MGST1: variants seen among roughly 807,000 people sequenced by gnomAD.
MGST1 encodes the protein microsomal glutathione S-transferase 1.
In MGST1, 5 loss-of-function variants were observed where a neutral mutation model predicts 8.9. That is an observed-to-expected ratio of 0.56 (90% CI 0.29 to 1.19). The LOEUF (loss-of-function observed/expected upper bound fraction) is 1.19. MGST1 is among the 50% of genes most tolerant of loss of function. MGST1 has a pLI of 0.08. For synonymous variants in MGST1, 54 were observed against 67.8 expected, an observed-to-expected ratio of 0.80 and a Z score of 1.00; for missense variants, 182 against 187.4, an observed-to-expected ratio of 0.97 and a Z score of 0.17.
intron 1 of MGST1, chr12:16,399,572 A>G (rs1462920606): frequency 6.3e-7 from 1 of 1,597,194 alleles, no homozygotes; most frequent in Non-Finnish European, 8.6e-7. Context: ...CTTCATAGTC[A>G]TCTTCTGAAG....
At chr12:16,399,961 G>T (rs138404259) in intron 1 of MGST1, 9 of 1,315,978 alleles carry the variant, frequency 6.8e-6, no homozygotes, top group Admixed American at 3.4e-5. Flanking sequence ...ATTTACCAGC[G>T]CACTACTAGT....
chr12:16,564,992 G>T (rs1427811694), intron 4 of MGST1, among the ~76,000 whole-genome samples: 1 of 152,066 alleles, frequency 6.6e-6, no homozygotes, highest in Non-Finnish European at 1.5e-5. Context: ...GTCTCTCTCT[G>T]TTGCCCAGGC....
At chr12:16,554,502 C>T (rs774495234) in intron 4 of MGST1, among the ~76,000 whole-genome samples, 1 of 152,130 alleles carries the variant, frequency 6.6e-6, no homozygotes, top group African/African-American at 2.4e-5. Context: ...CCACTATACA[C>T]CTGTGAACAA....
At position 16,423,845 on chromosome 12, in the gene MGST1, A is replaced by T. The variant is rs116297300; in HGVS notation, n.779-13543A>T. ...TTGTCATTCCCCACTTGGCAGGTAC[A>T]TTCTCACCAGGCCCTTTCTGCTATG... On this transcript the variant is annotated intron_variant and non_coding_transcript_variant, in intron 1 of 1. Coordinates refer to the MGST1 transcript ENST00000359720. 4.3e-3 allele frequency among the ~76,000 whole-genome samples: 658 copies of T among 152,280 alleles called. 8 individuals carry two copies. Among genetic ancestry groups the T allele is most frequent in the African/African-American group, 0.015 (637 of 41,552 alleles).
intron 4 of MGST1, among the ~76,000 whole-genome samples, chr12:16,498,583 A>C (rs991780734): frequency 1.3e-5 from 2 of 152,182 alleles, no homozygotes; most frequent in African/African-American, 4.8e-5. Flanking sequence ...ATGCCAGTGC[A>C]CTGTAACCCC....
intron 3 of MGST1, among the ~76,000 whole-genome samples, chr12:16,374,748 GATT>G (rs1256665838): frequency 6.6e-6 from 1 of 152,006 alleles, no homozygotes; most frequent in Admixed American, 6.6e-5. Context: ...TAACACAATA[GATT>G]ATTATGCAGC....
At chr12:16,561,645 T>C (rs756233271) in intron 4 of MGST1, among the ~76,000 whole-genome samples, 12 of 152,242 alleles carry the variant, frequency 7.9e-5, no homozygotes, top group Non-Finnish European at 1.8e-4. Context: ...CTGAAGTCTC[T>C]CATTACTTTC....
intron 1 of MGST1, among the ~76,000 whole-genome samples, chr12:16,395,456 G>T (rs918641890): frequency 1.3e-5 from 2 of 151,942 alleles, no homozygotes; most frequent in African/African-American, 2.4e-5. Context: ...TGGGGAACAG[G>T]TGGTATTTGG....
At chr12:16,527,636 A>T (rs544435967) in intron 4 of MGST1, among the ~76,000 whole-genome samples, 3 of 151,988 alleles carry the variant, frequency 2.0e-5, no homozygotes, top group African/African-American at 7.2e-5. Context: ...AGGTTCTGGA[A>T]TCTTCTGGCT....
At chr12:16,509,842 G>T (rs114517599) in intron 4 of MGST1, among the ~76,000 whole-genome samples, 213 of 152,212 alleles carry the variant, frequency 1.4e-3, no homozygotes, top group African/African-American at 4.9e-3. Flanking sequence ...GTTTAGGTAG[G>T]AGTGATTCAG....
rs186108401 is a variant in MGST1 at position 16,503,706 on chromosome 12, C to T, written n.483-85822C>T. Among the ~76,000 whole-genome samples, 102 of 152,260 alleles carry T rather than the reference C, an allele frequency of 6.7e-4. 1 individual carries two copies. The highest frequency in any genetic ancestry group is 1.2e-3 in the Non-Finnish European group (83 of 68,024). On this transcript the variant is annotated intron_variant and non_coding_transcript_variant, in intron 4 of 4. Transcript: ENST00000538857. The surrounding 1 kb of genome is among the most constrained non-coding windows in gnomAD (Gnocchi z 4.8). ...CCATAAGACATGTCCAACAGTGTGC[C>T]GGGTCAGTTTATCATTGCCGTGGTA... is the stretch of plus-strand genomic sequence containing the variant.
chr12:16,575,158 G>T (rs1040060481), intron 4 of MGST1, among the ~76,000 whole-genome samples: 2 of 152,048 alleles, frequency 1.3e-5, no homozygotes, highest in African/African-American at 4.8e-5. Flanking sequence ...TATGATGTCC[G>T]TCATGTTTTT....
rs181131799 is a variant in MGST1 at position 16,552,540 on chromosome 12, C to A, written n.483-36988C>A. 1.0e-3 allele frequency among the ~76,000 whole-genome samples: 156 copies of A among 152,074 alleles called. 1 individual carries two copies. In the Middle Eastern group the frequency reaches 0.027, roughly 27 times the overall value. On this transcript the variant is annotated intron_variant and non_coding_transcript_variant, in intron 4 of 4. Coordinates refer to the MGST1 transcript ENST00000538857. The stretch of plus-strand genomic sequence containing the variant: ...AACCTATTTTTTTCCAACTGGGTAG[C>A]TTTGGAAATTTATCCTTATACTAGC...
intron 1 of MGST1, among the ~76,000 whole-genome samples, chr12:16,429,008 T>C (rs1229677880): frequency 6.6e-6 from 1 of 152,112 alleles, no homozygotes; most frequent in South Asian, 2.1e-4. Flanking sequence ...GTTGTGTACA[T>C]TTTTGTTTTT....
At chr12:16,374,694 T>A (rs1393350114) in intron 3 of MGST1, among the ~76,000 whole-genome samples, 2 of 152,092 alleles carry the variant, frequency 1.3e-5, no homozygotes, top group Admixed American at 1.3e-4. Context: ...TGCAAATAAT[T>A]CAAATATTCA....
rs1288794039 is a variant in MGST1 at position 16,585,336 on chromosome 12, T to C, written n.483-4192T>C. Among the ~76,000 whole-genome samples the C allele has an allele frequency of 6.6e-6, 1 of 152,200 alleles. No individual in the cohort carries two copies. The highest frequency in any genetic ancestry group is 1.5e-5 in the Non-Finnish European group (1 of 68,024). On this transcript the variant is annotated intron_variant and non_coding_transcript_variant, in intron 4 of 4. Transcript: ENST00000538857. The surrounding 1 kb of genome is among the most constrained non-coding windows in gnomAD (Gnocchi z 4.7). ...GAAAAAGGATTTGCATATTTGTGTATATATTTTTAAAAAGTGGATTAACTT... is the reference window on the plus strand; with the variant it reads ...GAAAAAGGATTTGCATATTTGTGTACATATTTTTAAAAAGTGGATTAACTT...
At chr12:16,486,168 G>A (rs79979928) in intron 4 of MGST1, among the ~76,000 whole-genome samples, 4,464 of 152,112 alleles carry the variant, frequency 0.029, 98 homozygotes, top group Non-Finnish European at 0.046. Flanking sequence ...CCCACACTTC[G>A]TAACTACTCT....
At chr12:16,356,952 T>C (rs952295051) in intron 2 of MGST1, among the ~76,000 whole-genome samples, 2 of 152,218 alleles carry the variant, frequency 1.3e-5, no homozygotes, top group South Asian at 2.1e-4. Context: ...AGGGAAGGTA[T>C]GTCAACATCA....
intron 4 of MGST1, among the ~76,000 whole-genome samples, chr12:16,457,112 C>T (rs1469910532): frequency 6.6e-6 from 1 of 151,934 alleles, no homozygotes; most frequent in Non-Finnish European, 1.5e-5. Flanking sequence ...ATGGTTTCTG[C>T]ATGGGTCTTC....
Sources: allele counts gnomAD v4.1 joint callset (sites outside exome capture counted in the v4.1 genomes callset), GRCh38; gene constraint gnomAD v4.1.1; non-coding constraint Gnocchi (gnomAD v3.1); transcripts MANE v1.5; gene names NCBI Gene and HGNC (gene_info 2026-07-23, HGNC 2026-07-21).